The following PROCR variants were observed in gnomAD, a reference collection of about 807,000 sequenced individuals.
PROCR encodes protein C receptor.
PROCR carries 22 observed loss-of-function variants against 24.2 expected under a neutral mutation model. That is an observed-to-expected ratio of 0.91 (90% CI 0.65 to 1.30). The LOEUF (loss-of-function observed/expected upper bound fraction) is 1.30. Ranked by LOEUF, PROCR falls within the 50% of genes most tolerant of loss-of-function variation. PROCR has a pLI of 0.00. For synonymous variants in PROCR, 137 were observed against 139.2 expected (o/e 0.98, Z 0.11); for missense variants, 288 against 307.7 (o/e 0.94, Z 0.48).
chr20:35,178,328 C>T (rs538760203), downstream of PROCR, among the ~76,000 whole-genome samples: 5 of 137,724 alleles, frequency 3.6e-5, no homozygotes, highest in Non-Finnish European at 7.6e-5. Context: ...CACTTGAACC[C>T]GGGAGGCAGA....
downstream of PROCR, among the ~76,000 whole-genome samples, chr20:35,178,766 C>T (rs1387653438): frequency 6.9e-5 from 10 of 145,646 alleles, no homozygotes; most frequent in East Asian, 2.1e-4. Context: ...CCGCCCACCT[C>T]GGCCTCCCAA....
At chr20:35,213,504 T>TAA (rs2060369902) in intron 1 of PROCR, among the ~76,000 whole-genome samples, 1 of 151,018 alleles carries the variant, frequency 6.6e-6, no homozygotes, top group Non-Finnish European at 1.5e-5. Context: ...TTATTTCTGC[T>TAA]TTTTTTTTGG....
Position 35,177,019 on chromosome 20 carries a change from C to G in PROCR, c.*206C>G. 1 of 1,400,706 alleles carries G rather than the reference C, an allele frequency of 7.1e-7. No homozygotes were observed. The highest frequency in any genetic ancestry group is 9.3e-7 in the Non-Finnish European group (1 of 1,076,000). The allele number at this position is 1,400,706 out of a possible 1,614,324, so 86.8% of individuals were successfully genotyped here. A position where few individuals can be genotyped will look rare whatever the true frequency, so the allele number is the denominator to read the frequency against. On this transcript the variant is annotated 3_prime_UTR_variant, in exon 4 of 4. Transcript: ENST00000216968. ...ACAAAGTACTTGGTTTGCTAAGAAC[C>G]TAAGAACGTGTATGCTTTGCTGAAT...
intron 1 of PROCR, among the ~76,000 whole-genome samples, chr20:35,208,737 G>A (rs745579705): frequency 1.3e-5 from 2 of 152,230 alleles, no homozygotes; most frequent in Non-Finnish European, 2.9e-5. Context: ...CACTTTGGGA[G>A]GCCGAGGCAG....
chr20:35,198,493 A>G (rs756477429), intron 1 of PROCR, among the ~76,000 whole-genome samples: 3 of 152,170 alleles, frequency 2.0e-5, no homozygotes, highest in Non-Finnish European at 4.4e-5. Context: ...AGGAAGTTGC[A>G]GAAGAAAAGT....
chr20:35,181,440 A>G (rs1731451777), downstream of PROCR, among the ~76,000 whole-genome samples: 1 of 151,034 alleles, frequency 6.6e-6, no homozygotes, highest in African/African-American at 2.4e-5. Flanking sequence ...ACGCCCGGCT[A>G]ATTTTTGTAT....
At chr20:35,215,752 G>A (rs761532162) in intron 1 of PROCR, 2 of 463,486 alleles carry the variant, frequency 4.3e-6, no homozygotes, top group Non-Finnish European at 5.7e-6. Context: ...TGAGGATTAA[G>A]TGATTTGATG....
downstream of PROCR, among the ~76,000 whole-genome samples, chr20:35,178,753 G>A (rs2146149386): frequency 7.0e-6 from 1 of 143,192 alleles, no homozygotes; most frequent in South Asian, 2.3e-4. Flanking sequence ...CTGACCTCGT[G>A]ATCCGCCCAC....
intron 1 of PROCR, chr20:35,202,724 G>T (rs1348372367): frequency 6.6e-6 from 1 of 151,924 alleles, no homozygotes; most frequent in East Asian, 1.9e-4. Flanking sequence ...AGAACTAAAA[G>T]AGACATGGAA....
downstream of PROCR, among the ~76,000 whole-genome samples, chr20:35,181,933 A>G (rs950904466): frequency 6.6e-6 from 1 of 152,214 alleles, no homozygotes; most frequent in Admixed American, 6.5e-5. Flanking sequence ...CAGGAATGGT[A>G]TTAAGGATGC....
chr20:35,193,178 C>CT (rs369192046), intron 1 of PROCR, among the ~76,000 whole-genome samples: 30,846 of 142,158 alleles, frequency 0.22, 3,473 homozygotes, highest in Middle Eastern at 0.32. Flanking sequence ...TTCTTTCTTT[C>CT]TTTTTTTTTT....
chr20:35,204,588 C>G (rs1036547857), intron 1 of PROCR, among the ~76,000 whole-genome samples: 22 of 151,908 alleles, frequency 1.4e-4, no homozygotes, highest in African/African-American at 5.3e-4. Flanking sequence ...GTTGCCCAGG[C>G]TGGTCTCGAA....
downstream of PROCR, among the ~76,000 whole-genome samples, chr20:35,181,272 A>T (rs6088757): frequency 0.021 from 3,118 of 150,620 alleles, 143 homozygotes; most frequent in Admixed American, 0.1. Flanking sequence ...ATTTTAATTT[A>T]ATTTTATTTT....
chr20:35,172,092 G>A lies in PROCR; in HGVS notation c.-63G>A. The A allele has an allele frequency of 2.0e-6, 3 of 1,513,110 alleles. No individual in the cohort carries two copies. In the South Asian group the frequency reaches 3.4e-5, roughly 17 times the overall value. The allele number at this position is 1,513,110 out of a possible 1,614,324, so 93.7% of individuals were successfully genotyped here. On this transcript the variant is annotated 5_prime_UTR_variant, in exon 1 of 4. Transcript: ENST00000216968. ...TCCTCACTTCTCTTTTCCCTAGACT[G>A]CAGCCAGCGGAGCCCGCAGCCGGCC...
chr20:35,198,181 A>C (rs987788220), intron 1 of PROCR, among the ~76,000 whole-genome samples: 6 of 151,614 alleles, frequency 4.0e-5, no homozygotes, highest in Admixed American at 4.0e-4. Context: ...AGTTCCAGCT[A>C]CTCGGGAGGC....
chr20:35,209,723 T>C (rs1345822298), intron 1 of PROCR, among the ~76,000 whole-genome samples: 1 of 152,106 alleles, frequency 6.6e-6, no homozygotes, highest in East Asian at 1.9e-4. Flanking sequence ...ACCATGGTGG[T>C]AATTACAAAG....
chr20:35,214,387 T>A (rs984712719), intron 1 of PROCR, among the ~76,000 whole-genome samples: 26 of 152,134 alleles, frequency 1.7e-4, no homozygotes, highest in African/African-American at 6.3e-4. Context: ...TTCCTCATTT[T>A]AAAAAATGGC....
At chr20:35,192,090 G>A (rs1253173986) in intron 1 of PROCR, among the ~76,000 whole-genome samples, 1 of 152,192 alleles carries the variant, frequency 6.6e-6, no homozygotes, top group African/African-American at 2.4e-5. Flanking sequence ...AGAAAAGACA[G>A]TATTGGCAAG....
chr20:35,174,577 G>T, intron 1 of PROCR, 125 bp from the exon 2 acceptor site: 1 of 1,186,320 alleles, frequency 8.4e-7, no homozygotes, highest in Non-Finnish European at 1.2e-6. Flanking sequence ...GCGGTGGGAG[G>T]GCACATTATA....
Sources: allele counts gnomAD v4.1 joint callset (sites outside exome capture counted in the v4.1 genomes callset), GRCh38; gene constraint gnomAD v4.1.1; transcripts MANE v1.5; gene names NCBI Gene and HGNC (gene_info 2026-07-23, HGNC 2026-07-21).